Variants in FAM161A observed in about 807,000 individuals in gnomAD.
FAM161A encodes the protein protein FAM161A.
In FAM161A, 57 loss-of-function variants were observed where a neutral mutation model predicts 70.9. The observed-to-expected ratio is 0.80, with a 90% CI of 0.65 to 1.00. FAM161A has a LOEUF of 1.00. Ranked by LOEUF, FAM161A falls within the 50% of genes least tolerant of loss-of-function variation. The pLI, the probability that FAM161A is intolerant of heterozygous loss-of-function variation, is 0.00. For missense variants in FAM161A, 880 were observed against 836.0 expected, an observed-to-expected ratio of 1.05 and a Z score of -0.65; for synonymous variants, 299 against 295.7, an observed-to-expected ratio of 1.01 and a Z score of -0.12.
At chr2:61,807,673 C>G in the FAM161A span, among the ~76,000 whole-genome samples, 2 of 144,240 alleles carry the variant, frequency 1.4e-5, no homozygotes, top group African/African-American at 2.6e-5. Context: ...AAGGTCTTGC[C>G]CTGTCACCCA....
intron 1 of FAM161A, among the ~76,000 whole-genome samples, chr2:61,849,485 A>C (rs1673421279): frequency 6.6e-6 from 1 of 151,862 alleles, no homozygotes; most frequent in Non-Finnish European, 1.5e-5. Context: ...ACAAAATAAA[A>C]ATAAAAATAA....
the FAM161A span, among the ~76,000 whole-genome samples, chr2:61,816,845 C>T: frequency 6.6e-6 from 1 of 152,148 alleles, no homozygotes; most frequent in African/African-American, 2.4e-5. Context: ...TGCAGTCACT[C>T]TTCACTCTAG....
the FAM161A span, among the ~76,000 whole-genome samples, chr2:61,816,147 G>C: frequency 1.3e-5 from 2 of 152,178 alleles, no homozygotes; most frequent in Non-Finnish European, 2.9e-5. Flanking sequence ...CATTGACGTT[G>C]GCTTTCTCCC....
At chr2:61,849,339 T>C (rs1374634946) in intron 1 of FAM161A, among the ~76,000 whole-genome samples, 2 of 150,600 alleles carry the variant, frequency 1.3e-5, no homozygotes, top group Non-Finnish European at 2.9e-5. Context: ...TAACATTTGA[T>C]ATTTTAAGAG....
chr2:61,835,997 C>G lies in FAM161A; in HGVS notation c.1851+13G>C. ...AAAACTGACGATAGCTCTTAAATTC[C>G]AATAAACACAACCTGAGCAACTCTT... On this transcript the variant is annotated intron_variant, in intron 5 of 6. Coordinates refer to ENST00000404929, the MANE Select transcript of FAM161A (RefSeq NM_001201543.2). 1 of 1,544,180 alleles carries G rather than the reference C, an allele frequency of 6.5e-7. No homozygotes were observed. Among genetic ancestry groups the G allele is most frequent in the Non-Finnish European group, 8.9e-7 (1 of 1,126,868 alleles).
rs1255882431 is a variant in FAM161A at position 61,840,544 on chromosome 2, A to G, written c.460T>C (p.Leu154=). The change falls in exon 3 of 7, where the codon TTA becomes CTA. Residue 154 remains leucine (L), a synonymous_variant. Transcript: ENST00000404929. ...TCAGGCTCTGAAAATGATGTCATTA[A>G]TGAGACAGGGTGATAGGAGTTCTTT... ...SEKNSYHPVS[L]MTSFSEPDLG... is the part of the protein sequence containing the mutation. 2.5e-6 allele frequency: 4 copies of G among 1,613,346 alleles called. No homozygotes were observed. The African/African-American group carries it at 5.3e-5, about 22-fold the overall frequency.
intron 4 of FAM161A, chr2:61,836,932 C>A: frequency 5.8e-6 from 1 of 172,564 alleles, no homozygotes; most frequent in Non-Finnish European, 1.3e-5. Flanking sequence ...GTGGTGCAAT[C>A]ATGGCTGACT....
intron 1 of FAM161A, among the ~76,000 whole-genome samples, chr2:61,852,768 G>C (rs1244532264): frequency 1.3e-5 from 2 of 152,122 alleles, no homozygotes; most frequent in South Asian, 2.1e-4. Flanking sequence ...TGTTGCTAAA[G>C]ATGTTCTCAT....
At chr2:61,806,148 G>A in the FAM161A span, among the ~76,000 whole-genome samples, 8 of 152,048 alleles carry the variant, frequency 5.3e-5, no homozygotes, top group Non-Finnish European at 1.2e-4. Flanking sequence ...AATCTAGGAG[G>A]TGGAGGATGC....
rs1296640139 is a variant in FAM161A at position 61,840,182 on chromosome 2, C to T, written c.822G>A (p.Glu274=). ...MVHKALKKQE[E]DPEYKKKFRA... is the part of the protein sequence containing the mutation. ...GGAATTTCTTCTTATACTCTGGATC[C>T]TCTTCTTGTTTTTTGAGCGCTTTAT... The change falls in exon 3 of 7, where the codon GAG becomes GAA. Residue 274 remains glutamate (E), a synonymous_variant. Transcript: ENST00000404929. The T allele has an allele frequency of 4.3e-6, 7 of 1,613,798 alleles. 1 individual carries two copies. In the South Asian group the frequency reaches 6.6e-5, roughly 15 times the overall value.
At chr2:61,849,396 A>G (rs1158610031) in intron 1 of FAM161A, among the ~76,000 whole-genome samples, 1 of 151,278 alleles carries the variant, frequency 6.6e-6, no homozygotes, top group Non-Finnish European at 1.5e-5. Context: ...CCCGAGCACT[A>G]TGGGAGGCCG....
At chr2:61,841,936 C>G (rs1406084098) in intron 2 of FAM161A, among the ~76,000 whole-genome samples, 186 bp downstream of exon 2, 4 of 152,188 alleles carry the variant, frequency 2.6e-5, no homozygotes, top group Admixed American at 1.3e-4. Context: ...CCAAATGACC[C>G]TCAAGCAAAC....
At chr2:61,820,674 G>T, downstream of FAM161A, 1 of 433,490 alleles carries the variant, frequency 2.3e-6, no homozygotes, top group African/African-American at 2.0e-5. Flanking sequence ...TGTAACAAGG[G>T]AAAGTTTTTA....
rs1672916677 is a variant in FAM161A, at chr2:61,839,517, T to C, written c.1487A>G (p.Lys496Arg). ...TRWPYLSPRR[K>R]SPVRCAGVNP... The stretch of plus-strand genomic sequence containing the variant: ...TACACCTGCACATCTTACTGGTGAC[T>C]TACGCCTTGGAGACAAATAAGGCCA... Residue 496 changes from lysine to arginine, a missense_variant, in exon 3 of 7, where the codon AAG (lysine) becomes AGG (arginine). Coordinates refer to ENST00000404929, the MANE Select transcript of FAM161A (RefSeq NM_001201543.2). 1 of 1,614,110 alleles carries C rather than the reference T, an allele frequency of 6.2e-7. No individual in the cohort carries two copies. Among genetic ancestry groups the C allele is most frequent in the African/African-American group, 1.3e-5 (1 of 74,930 alleles).
the FAM161A span, among the ~76,000 whole-genome samples, chr2:61,810,737 G>A: frequency 6.6e-6 from 1 of 152,078 alleles, no homozygotes; most frequent in East Asian, 1.9e-4. Flanking sequence ...TGGGATTACA[G>A]GCATGAGCCA....
At chr2:61,846,067 C>T (rs977793815) in intron 1 of FAM161A, among the ~76,000 whole-genome samples, 2 of 118,610 alleles carry the variant, frequency 1.7e-5, no homozygotes, top group Non-Finnish European at 3.2e-5. Context: ...ATAGCTTCGG[C>T]GATCAAGCAA....
the FAM161A span, among the ~76,000 whole-genome samples, chr2:61,807,201 A>T: frequency 6.6e-6 from 1 of 152,082 alleles, no homozygotes; most frequent in East Asian, 1.9e-4. Context: ...ACTCAAACTC[A>T]TCAGGTAACA....
intron 3 of FAM161A, 48 bp downstream of exon 3, chr2:61,839,373 C>T (rs1481735405): frequency 2.5e-6 from 4 of 1,571,428 alleles, no homozygotes; most frequent in Non-Finnish European, 3.5e-6. Context: ...GCTGCATACA[C>T]TCATCTGGCA....
At chr2:61,845,272 C>T (rs749219764) in intron 1 of FAM161A, among the ~76,000 whole-genome samples, 5 of 152,120 alleles carry the variant, frequency 3.3e-5, no homozygotes, top group African/African-American at 9.7e-5. Flanking sequence ...CCAACTGATA[C>T]GGGTCTTTGG....
Sources: gnomAD v4.1 joint callset for allele counts (sites outside exome capture counted in the v4.1 genomes callset) on GRCh38, gnomAD v4.1.1 for gene constraint, MANE v1.5 for transcripts, NCBI Gene and HGNC (gene_info 2026-07-23, HGNC 2026-07-21) for gene names.